TPRA1: variants seen among roughly 807,000 people sequenced by gnomAD.
TPRA1 encodes the protein transmembrane protein adipocyte associated 1, also known as transmembrane protein adipocyte-associated 1.
In TPRA1, 28 loss-of-function variants were observed where a neutral mutation model predicts 40.1. The ratio of observed to expected loss-of-function variants is 0.70; its 90% confidence interval spans 0.52 to 0.96. The LOEUF (loss-of-function observed/expected upper bound fraction) is 0.96. Among genes scored for constraint, TPRA1 ranks in the 40% least tolerant of loss-of-function variants. TPRA1 has a pLI of 0.00. For synonymous variants in TPRA1, 219 were observed against 209.7 expected (o/e 1.04, Z -0.38); for missense variants, 441 against 482.6 (o/e 0.91, Z 0.81).
rs183306328 is a variant in TPRA1, at chr3:127,577,040, C to T, written c.295G>A (p.Val99Met). Residue 99 changes from valine to methionine, a missense_variant, in exon 4 of 11, where the codon GTG becomes ATG. Val to Met is a conservative substitution (Grantham distance 21). Coordinates refer to ENST00000355552, the MANE Select transcript of TPRA1 (RefSeq NM_001136053.4). The stretch of plus-strand genomic sequence containing the variant: ...GAGGTGCTCACCGTCATGGATACCA[C>T]GGCCCGGGCAATGCCCACCAGCGCC... ...VVALVGIARAVVSMTVSTSNA... is the reference protein window; with the variant it reads ...VVALVGIARAMVSMTVSTSNA... 104 of 1,613,640 alleles carry T rather than the reference C, an allele frequency of 6.4e-5. 1 individual carries two copies. The East Asian group carries it at 1.8e-3, about 28-fold the overall frequency.
chr3:127,577,607 G>T (rs975816854), intron 3 of TPRA1, among the ~76,000 whole-genome samples: 1 of 152,104 alleles, frequency 6.6e-6, no homozygotes, highest in African/African-American at 2.4e-5. Context: ...CCAGGCAAAA[G>T]GTCACCGAGA....
rs1456168797 is a variant in TPRA1 at position 127,572,743 on chromosome 3, T to C, written c.*778A>G. Among the ~76,000 whole-genome samples the C allele has an allele frequency of 6.6e-6, 1 of 152,226 alleles. No individual in the cohort carries two copies. Among genetic ancestry groups the C allele is most frequent in the Non-Finnish European group, 1.5e-5 (1 of 68,036 alleles). The stretch of plus-strand genomic sequence containing the variant: ...ACAGATGGCAATAGTAAGTCCATTC[T>C]GCGTTTTAATGGAGCTGAGCAGAGA... On this transcript the variant is annotated 3_prime_UTR_variant, in exon 11 of 11. Transcript: ENST00000355552.
At chr3:127,583,639 G>A (rs1432083278) in intron 1 of TPRA1, among the ~76,000 whole-genome samples, 1 of 151,938 alleles carries the variant, frequency 6.6e-6, no homozygotes, top group Non-Finnish European at 1.5e-5. Context: ...CTACTGTTGG[G>A]AGGGGGGCAA....
Position 127,576,478 on chromosome 3 carries a change from G to T in TPRA1, c.498+139C>A. 1 of 840,230 alleles carries T rather than the reference G, an allele frequency of 1.2e-6. No individual in the cohort carries two copies. Among genetic ancestry groups the T allele is most frequent in the Non-Finnish European group, 1.8e-6 (1 of 555,276 alleles). 52.0% of individuals were successfully genotyped at this position (840,230 alleles called of 1,614,324 possible). A position where few individuals can be genotyped will look rare whatever the true frequency, so the allele number is the denominator to read the frequency against. ...ACCCCAGAATGTGCCTCGGTAACAAGCACCCCATGTGATTTCTCAGGTGCA... is the reference window on the plus strand; with the variant it reads ...ACCCCAGAATGTGCCTCGGTAACAATCACCCCATGTGATTTCTCAGGTGCA... On this transcript the variant is annotated intron_variant, in intron 6 of 10. Transcript: ENST00000355552. This position sits in a 1 kb window ranked among gnomAD's most constrained non-coding sequence, Gnocchi z 4.6.
intron 1 of TPRA1, among the ~76,000 whole-genome samples, chr3:127,581,640 C>T (rs892767848): frequency 8.6e-5 from 13 of 151,734 alleles, no homozygotes; most frequent in African/African-American, 2.9e-4. Context: ...TGGCCGGGCG[C>T]GGTGGCTCAT....
At chr3:127,592,367 GTTTTTTTTTTTTT>G (rs746017013), upstream of TPRA1, among the ~76,000 whole-genome samples, 2 of 88,536 alleles carry the variant, frequency 2.3e-5, no homozygotes, top group African/African-American at 4.3e-5. Flanking sequence ...GCAACATGCT[GTTTTTTTTTTTTT>G]TTTTTTTTTT....
chr3:127,576,654 A>ACAGAG lies in TPRA1; in HGVS notation c.460_461insCTCTG (p.Ile154ThrfsTer65), dbSNP rs769641990. 1.9e-6 allele frequency: 3 copies of ACAGAG among 1,610,942 alleles called. No individual in the cohort carries two copies. The African/African-American group carries it at 4.0e-5, about 21-fold the overall frequency. On this transcript the variant is annotated frameshift_variant, in exon 6 of 11. Transcript: ENST00000355552. LOFTEE classifies it high-confidence loss of function. This position sits in a 1 kb window ranked among gnomAD's most constrained non-coding sequence, Gnocchi z 4.6. ...GTAGGCCAGGGACAGCACTGTGGTG[A>ACAGAG]TGGCCAGCACCCGCTTGATGCTGGA...
At chr3:127,593,321 C>G (rs1182796912), upstream of TPRA1, among the ~76,000 whole-genome samples, 1 of 152,176 alleles carries the variant, frequency 6.6e-6, no homozygotes, top group African/African-American at 2.4e-5. Flanking sequence ...TGCTACAGAA[C>G]TGGGCTCCCT....
intron 1 of TPRA1, among the ~76,000 whole-genome samples, chr3:127,584,932 G>A (rs761706446): frequency 6.6e-6 from 1 of 152,032 alleles, no homozygotes; most frequent in Non-Finnish European, 1.5e-5. Flanking sequence ...TACGACAGTG[G>A]GAGCAAGAGC....
chr3:127,590,821 G>GGAA (rs369055019), upstream of TPRA1: 1 of 145,752 alleles, frequency 6.9e-6, no homozygotes, highest in African/African-American at 2.5e-5. Context: ...ATCACTGGGG[G>GGAA]AAAAAAAAAA....
rs761776232 is a variant in TPRA1, at chr3:127,577,026, C to T, written c.309G>A (p.Thr103=). 10 of 1,613,656 alleles carry T rather than the reference C, an allele frequency of 6.2e-6. No homozygotes were observed. The highest frequency in any genetic ancestry group is 1.1e-5 in the South Asian group (1 of 91,082). The change falls in exon 4 of 11, where the codon ACG becomes ACA. Residue 103 remains threonine, a synonymous_variant. Coordinates refer to ENST00000355552, the MANE Select transcript of TPRA1 (RefSeq NM_001136053.4). ...VGIARAVVSM[T]VSTSNAATVA... is the part of the protein sequence containing the mutation. ...CAGTTGCAGCGTTCGAGGTGCTCAC[C>T]GTCATGGATACCACGGCCCGGGCAA... is the stretch of plus-strand genomic sequence containing the variant.
At chr3:127,593,098 G>T (rs907531843), upstream of TPRA1, among the ~76,000 whole-genome samples, 1 of 152,206 alleles carries the variant, frequency 6.6e-6, no homozygotes, top group Non-Finnish European at 1.5e-5. Flanking sequence ...CTAAGTTTCT[G>T]TGGGATTTTG....
At chr3:127,585,288 T>C (rs185827464) in intron 1 of TPRA1, among the ~76,000 whole-genome samples, 7 of 151,988 alleles carry the variant, frequency 4.6e-5, no homozygotes, top group African/African-American at 1.4e-4. Flanking sequence ...AGTCCAGAGG[T>C]AGAAACAGGT....
At chr3:127,579,123 G>A (rs1032123600) in intron 3 of TPRA1, among the ~76,000 whole-genome samples, 40 of 152,338 alleles carry the variant, frequency 2.6e-4, no homozygotes, top group African/African-American at 9.4e-4. Context: ...CCACAGCCCT[G>A]ACACCTCTCC....
At chr3:127,597,214 C>T (rs551662755) in intron 1 of TPRA1, among the ~76,000 whole-genome samples, 144 of 152,262 alleles carry the variant, frequency 9.5e-4, no homozygotes, top group Admixed American at 1.7e-3. Flanking sequence ...GATGCTTGTT[C>T]ACTGCACAAA....
Position 127,576,723 on chromosome 3 carries a change from C to A in TPRA1, c.419-27G>T, listed in dbSNP as rs374282738. 14 of 1,609,596 alleles carry A rather than the reference C, an allele frequency of 8.7e-6. No homozygotes were observed. The Admixed American group carries it at 2.2e-4, about 25-fold the overall frequency. On this transcript the variant is annotated intron_variant, in intron 5 of 10. Transcript: ENST00000355552. The surrounding 1 kb of genome is among the most constrained non-coding windows in gnomAD (Gnocchi z 4.6). ...TGGAAGAAACATGCTGGTCAGCAGGCAGGAGCCAGCCCAGGTGACCACTCC... is the reference window on the plus strand; with the variant it reads ...TGGAAGAAACATGCTGGTCAGCAGGAAGGAGCCAGCCCAGGTGACCACTCC...
chr3:127,594,594 C>G (rs1021684038), upstream of TPRA1, among the ~76,000 whole-genome samples: 3 of 152,152 alleles, frequency 2.0e-5, no homozygotes, highest in Non-Finnish European at 4.4e-5. Context: ...TCTGTCAGGC[C>G]CTCTAATATG....
chr3:127,579,293 C>G (rs1351784065), intron 3 of TPRA1, among the ~76,000 whole-genome samples: 1 of 152,242 alleles, frequency 6.6e-6, no homozygotes, highest in Non-Finnish European at 1.5e-5. Context: ...TTCCCCTCCC[C>G]TCTAGTACCA....
intron 1 of TPRA1, chr3:127,588,188 C>G (rs2074058754): frequency 6.6e-6 from 1 of 152,414 alleles, no homozygotes; most frequent in South Asian, 2.1e-4. Flanking sequence ...CAGGCTTGTT[C>G]TAGAGCTATC....
Sources: gnomAD v4.1 joint callset for allele counts (sites outside exome capture counted in the v4.1 genomes callset) on GRCh38, gnomAD v4.1.1 for gene constraint, Gnocchi (gnomAD v3.1) non-coding constraint, MANE v1.5 for transcripts, NCBI Gene and HGNC (gene_info 2026-07-23, HGNC 2026-07-21) for gene names.